PKD1: variants seen among roughly 807,000 people sequenced by gnomAD.
The protein encoded by PKD1 is polycystin-1.
A neutral mutation model predicts 361.7 loss-of-function variants in PKD1; 81 were observed. That is an observed-to-expected ratio of 0.22 (90% confidence interval 0.19 to 0.27). PKD1 has a LOEUF of 0.27. Among genes scored for constraint, PKD1 ranks in the 10% least tolerant of loss-of-function variants. The pLI is 1.00. For missense variants in PKD1, 6,399 were observed against 6,118.3 expected, an observed-to-expected ratio of 1.05 and a Z score of -1.53; for synonymous variants, 3,615 against 2,818.3, an observed-to-expected ratio of 1.28 and a Z score of -8.95.
chr16:2,103,462 C>A lies in PKD1; in HGVS notation c.8595G>T (p.Arg2865=), dbSNP rs748404236. 3.4e-5 allele frequency: 54 copies of A among 1,599,942 alleles called. No individual in the cohort carries two copies. In the East Asian group the frequency reaches 1.2e-3, roughly 36 times the overall value. The change falls in exon 23 of 46, where the codon CGG becomes CGT. Residue 2865 remains arginine (R), a synonymous_variant. Coordinates refer to ENST00000262304, the MANE Select transcript of PKD1 (RefSeq NM_001009944.3). Reference sequence around the variant, plus strand: ...CGGTGATGGCGCGCTCTGAGGCCAGCCGCTCGATGGGGATCTGGGCGCCGG... The same window carrying A: ...CGGTGATGGCGCGCTCTGAGGCCAGACGCTCGATGGGGATCTGGGCGCCGG... ...TQAGAQIPIE[R]LASERAITVK...
chr16:2,112,934 G>T lies in PKD1; in HGVS notation c.3015C>A (p.Val1005=), dbSNP rs768622207. 22 of 1,603,422 alleles carry T rather than the reference G, an allele frequency of 1.4e-5. No homozygotes were observed. Among genetic ancestry groups the T allele is most frequent in the Admixed American group, 6.7e-5 (4 of 60,016 alleles). Residue 1005 remains valine (V), a synonymous_variant, in exon 13 of 46, where the codon GTC becomes GTA. Transcript: ENST00000262304. ...CCACGGTTACGTTGTAGTTCACGGT[G>T]ACGTTGCTCACGTGGTTGGAGGCCG... is the stretch of plus-strand genomic sequence containing the variant. ...SLTASNHVSN[V]TVNYNVTVER... is the part of the protein sequence containing the mutation.
chr16:2,112,735 G>A (rs150105509), intron 13 of PKD1, 53 bp downstream of exon 13: 18 of 1,565,992 alleles, frequency 1.1e-5, no homozygotes, highest in Admixed American at 1.7e-5. Flanking sequence ...GCTGAGGCTG[G>A]GGCTGGGACA....
In PKD1 at chr16:2,111,415, G is replaced by T. The variant is rs1567202668; in HGVS notation, c.3752C>A (p.Thr1251Asn). 1 of 1,611,820 alleles carries T rather than the reference G, an allele frequency of 6.2e-7. No individual in the cohort carries two copies. Among genetic ancestry groups the T allele is most frequent in the Non-Finnish European group, 8.5e-7 (1 of 1,179,560 alleles). ...ITWTFDMGDG[T>N]VLSGPEATVE... ...TGTTGCCTCCGGGCCCGACAGCACG[G>T]TGCCGTCCCCCATGTCGAAGGTCCA... The change falls in exon 15 of 46, where the codon ACC becomes AAC. Residue 1251 changes from threonine to asparagine, a missense_variant. By Grantham distance (65) the Thr-to-Asn change is moderately conservative. Transcript: ENST00000262304.
intron 1 of PKD1, chr16:2,120,283 TAC>T (rs2092700203): frequency 5.8e-6 from 1 of 173,474 alleles, no homozygotes; most frequent in Non-Finnish European, 1.2e-5. Flanking sequence ...CCATCTAAAA[TAC>T]ACAACTTCTA....
At position 2,097,762 on chromosome 16, in the gene PKD1, T is replaced by C. The variant is rs1040082776; in HGVS notation, c.10186A>G (p.Met3396Val). 5.0e-6 allele frequency: 8 copies of C among 1,611,232 alleles called. No individual in the cohort carries two copies. Among genetic ancestry groups the C allele is most frequent in the African/African-American group, 1.3e-5 (1 of 74,856 alleles). ...LHAEQAFVGQ[M>V]KSDLFLDDSK... Reference sequence around the variant, plus strand: ...TCATCCAGAAACAAGTCACTCTTCATCTGTCCAACAAAGGCCTGCTGAGAG... The same window carrying C: ...TCATCCAGAAACAAGTCACTCTTCACCTGTCCAACAAAGGCCTGCTGAGAG... Residue 3396 changes from methionine (M) to valine (V), a missense_variant, in exon 32 of 46, where the codon ATG (methionine) becomes GTG (valine). Met to Val is a conservative substitution (Grantham distance 21). Coordinates refer to ENST00000262304, the MANE Select transcript of PKD1 (RefSeq NM_001009944.3).
At position 2,114,475 on chromosome 16, in the gene PKD1, C is replaced by T. The variant is rs756092510; in HGVS notation, c.2548G>A (p.Asp850Asn). 2.7e-4 allele frequency: 436 copies of T among 1,596,830 alleles called. No homozygotes were observed. Among genetic ancestry groups the T allele is most frequent in the Non-Finnish European group, 3.5e-4 (411 of 1,179,412 alleles). ...GTGGCCGTGGCGTTGGCACCAGAGT[C>T]CACCTGGAGCACCAAGGCTGAGCCG... Reference protein sequence around the residue: ...TNGSALVLQVDSGANATATAR... With the variant: ...TNGSALVLQVNSGANATATAR... Residue 850 changes from aspartate (D) to asparagine (N), a missense_variant, in exon 11 of 46, where the codon GAC becomes AAC. Coordinates refer to ENST00000262304, the MANE Select transcript of PKD1 (RefSeq NM_001009944.3).
chr16:2,092,700 C>A, intron 38 of PKD1, 108 bp from the exon 39 acceptor site: 1 of 900,398 alleles, frequency 1.1e-6, no homozygotes, highest in Non-Finnish European at 1.8e-6. Flanking sequence ...CTGCTGGCCA[C>A]GGCTAGACCT....
rs749740699 is a variant in PKD1, at chr16:2,090,787, C to G, written c.12025G>C (p.Val4009Leu). ...LVKAAQQLRF[V>L]RQWSVFGKTL... Reference sequence around the variant, plus strand: ...TTGCCAAAGACGGACCACTGGCGCACGAAGCGTAGCTGCTGGGCAGCCTGC... The same window carrying G: ...TTGCCAAAGACGGACCACTGGCGCAGGAAGCGTAGCTGCTGGGCAGCCTGC... Residue 4009 changes from valine to leucine, a missense_variant, in exon 44 of 46, where the codon GTG becomes CTG. Coordinates refer to ENST00000262304, the MANE Select transcript of PKD1 (RefSeq NM_001009944.3). 6.2e-7 allele frequency: 1 copy of G among 1,612,558 alleles called. No homozygotes were observed. Among genetic ancestry groups the G allele is most frequent in the African/African-American group, 1.3e-5 (1 of 75,040 alleles).
Position 2,106,332 on chromosome 16 carries a change from G to A in PKD1, c.7490-28C>T, listed in dbSNP as rs1317056374. On this transcript the variant is annotated intron_variant, in intron 18 of 45. Coordinates refer to ENST00000262304, the MANE Select transcript of PKD1 (RefSeq NM_001009944.3). The surrounding 1 kb of genome is among the most constrained non-coding windows in gnomAD (Gnocchi z 6.5). The stretch of plus-strand genomic sequence containing the variant: ...GAGGGACGGTCCCCACGGCATCACG[G>A]GAGGGCTCCGTGACGTCACAGAGTC... 3 of 1,605,240 alleles carry A rather than the reference G, an allele frequency of 1.9e-6. No individual in the cohort carries two copies. Among genetic ancestry groups the A allele is most frequent in the Non-Finnish European group, 2.6e-6 (3 of 1,176,102 alleles).
intron 1 of PKD1, chr16:2,123,651 C>A (rs1447114221): frequency 4.8e-6 from 2 of 415,476 alleles, no homozygotes; most frequent in Non-Finnish European, 9.7e-6. Flanking sequence ...TGGTTCCCTG[C>A]AAGGATGGGG....
rs2091390332 is a variant in PKD1 at position 2,089,900 on chromosome 16, G to A, written c.12739C>T (p.Gln4247Ter). 2 of 1,611,356 alleles carry A rather than the reference G, an allele frequency of 1.2e-6. No homozygotes were observed. The highest frequency in any genetic ancestry group is 8.5e-7 in the Non-Finnish European group (1 of 1,179,576). Residue 4247 changes from glutamine to a stop codon, truncating the protein, a stop_gained, in exon 46 of 46, where the codon CAA (glutamine) becomes TAA (stop). Coordinates refer to ENST00000262304, the MANE Select transcript of PKD1 (RefSeq NM_001009944.3). LOFTEE classifies it high-confidence loss of function. ...GGCGCCCGGCTGCTCCTGCGGCCTT[G>A]CAGGCTGTGCAGCTGCTGCTCCAGC... ...YQLEQQLHSL[Q>*]GRRSSRAPAG... is the part of the protein sequence containing the mutation.
rs752163354 is a variant in PKD1 at position 2,110,122 on chromosome 16, C to A, written c.5045G>T (p.Gly1682Val). ...RGPALAGSGK[G>V]FSLTVLEAGT... is the part of the protein sequence containing the mutation. ...GGCCTCGAGCACGGTGAGCGAGAAG[C>A]CTTTGCCGCTGCCGGCCAGGGCCGG... The change falls in exon 15 of 46, where the codon GGC becomes GTC. Residue 1682 changes from glycine (G) to valine (V), a missense_variant. Gly to Val is a moderately radical substitution (Grantham distance 109, BLOSUM62 -3). Transcript: ENST00000262304. 2 of 1,609,518 alleles carry A rather than the reference C, an allele frequency of 1.2e-6. No individual in the cohort carries two copies. The highest frequency in any genetic ancestry group is 4.5e-5 in the East Asian group (2 of 44,842).
intron 23 of PKD1, 64 bp from the exon 24 acceptor site, chr16:2,103,034 A>G: frequency 3.9e-6 from 6 of 1,556,146 alleles, no homozygotes; most frequent in Non-Finnish European, 5.3e-6. Context: ...GACACCCACG[A>G]TGGCCCTCCT....
rs776011784 is a variant in PKD1, at chr16:2,108,649, A to G, written c.6518T>C (p.Val2173Ala). The change falls in exon 15 of 46, where the codon GTT (valine) becomes GCT (alanine). Residue 2173 changes from valine to alanine, a missense_variant. Transcript: ENST00000262304. ...RSQRNYLEAHVDLRDCVTYQT... is the reference protein window; with the variant it reads ...RSQRNYLEAHADLRDCVTYQT... ...GTAGGTGACGCAGTCGCGCAGGTCA[A>G]CGTGGGCCTCCAAGTAGTTGCGCTG... 1.5e-5 allele frequency: 24 copies of G among 1,562,634 alleles called. No homozygotes were observed. The highest frequency in any genetic ancestry group is 4.7e-5 in the South Asian group (4 of 85,302).
rs1349128385 is a variant in PKD1 at position 2,091,435 on chromosome 16, A to G, written c.11700T>C (p.Pro3900=). ...LRRLSAGLSL[P]LLTSVCLLLF... ...GGGACGGGCGTACCGAGGTGAGCAG[A>G]GGCAGCGAGAGGCCCGCGCTGAGGC... The change falls in exon 42 of 46, where the codon CCT becomes CCC. Residue 3900 remains proline, a synonymous_variant. Transcript: ENST00000262304. 3 of 1,185,464 alleles carry G rather than the reference A, an allele frequency of 2.5e-6. No individual in the cohort carries two copies. The highest frequency in any genetic ancestry group is 9.1e-5 in the East Asian group (2 of 21,942). The allele number at this position is 1,185,464 out of a possible 1,614,324, so 73.4% of individuals were successfully genotyped here.
At chr16:2,096,130 T>C (rs1299350881) in intron 34 of PKD1, among the ~76,000 whole-genome samples, 1 of 152,234 alleles carries the variant, frequency 6.6e-6, no homozygotes, top group Non-Finnish European at 1.5e-5. Context: ...CACCACTTAG[T>C]GCCAGGGATG....
At position 2,110,004 on chromosome 16, in the gene PKD1, C is replaced by G. The variant is rs1166323303; in HGVS notation, c.5163G>C (p.Leu1721=). The G allele has an allele frequency of 1.9e-6, 3 of 1,610,144 alleles. No homozygotes were observed. Among genetic ancestry groups the G allele is most frequent in the African/African-American group, 2.7e-5 (2 of 74,848 alleles). ...CTGGGTTCGGGGAGGCGGCCACCAT[C>G]AGCCACCCCACAGGCTCCACGAAGT... is the stretch of plus-strand genomic sequence containing the variant. ...TMDFVEPVGW[L]MVAASPNPAA... Residue 1721 remains leucine, a synonymous_variant, in exon 15 of 46, where the codon CTG becomes CTC. Coordinates refer to ENST00000262304, the MANE Select transcript of PKD1 (RefSeq NM_001009944.3).
intron 34 of PKD1, among the ~76,000 whole-genome samples, chr16:2,096,276 T>C (rs2091842355): frequency 6.6e-6 from 1 of 152,232 alleles, no homozygotes; most frequent in South Asian, 2.1e-4. Context: ...GCACCGCACC[T>C]GCACTGCATG....
Position 2,089,684 on chromosome 16 carries a change from T to G in PKD1, c.*43A>C. ...AGCGGCAGAAAGTAATACTGAGCGG[T>G]GTCCACTCCGACTCCACGGCCCACC... On this transcript the variant is annotated 3_prime_UTR_variant, in exon 46 of 46. Coordinates refer to ENST00000262304, the MANE Select transcript of PKD1 (RefSeq NM_001009944.3). 2 of 1,548,916 alleles carry G rather than the reference T, an allele frequency of 1.3e-6. No homozygotes were observed. Among genetic ancestry groups the G allele is most frequent in the Non-Finnish European group, 1.7e-6 (2 of 1,146,362 alleles).
Sources: gnomAD v4.1 joint callset for allele counts (sites outside exome capture counted in the v4.1 genomes callset) on GRCh38, gnomAD v4.1.1 for gene constraint, Gnocchi (gnomAD v3.1) non-coding constraint, MANE v1.5 for transcripts, NCBI Gene and HGNC (gene_info 2026-07-23, HGNC 2026-07-21) for gene names.